BTBD16: variants seen among roughly 807,000 people sequenced by gnomAD.
The protein encoded by BTBD16 is BTB/POZ domain-containing protein 16.
A neutral mutation model predicts 67.4 loss-of-function variants in BTBD16; 66 were observed. That is an observed-to-expected ratio of 0.98 (90% confidence interval 0.80 to 1.20). The LOEUF (loss-of-function observed/expected upper bound fraction) is 1.20. Ranked by LOEUF, BTBD16 falls within the 50% of genes most tolerant of loss-of-function variation. The pLI, the probability that BTBD16 is intolerant of heterozygous loss-of-function variation, is 0.00. For synonymous variants in BTBD16, 242 were observed against 236.4 expected, an observed-to-expected ratio of 1.02 and a Z score of -0.22; for missense variants, 634 against 616.0, an observed-to-expected ratio of 1.03 and a Z score of -0.31.
At chr10:122,318,584 AT>A (rs553975740) in intron 10 of BTBD16, among the ~76,000 whole-genome samples, 169 of 151,762 alleles carry the variant, frequency 1.1e-3, no homozygotes, top group African/African-American at 3.9e-3. Context: ...TGGTTGGACT[AT>A]TTTTTTTGTT....
chr10:122,314,890 G>A (rs2096421098), intron 10 of BTBD16, among the ~76,000 whole-genome samples: 1 of 151,982 alleles, frequency 6.6e-6, no homozygotes, highest in Admixed American at 6.6e-5. Context: ...GTATCATGTT[G>A]AGTAGACATG....
In BTBD16 at chr10:122,276,873, T is replaced by C; in HGVS notation, c.101T>C (p.Leu34Pro). The C allele has an allele frequency of 4.3e-6, 7 of 1,614,230 alleles. No homozygotes were observed. Among genetic ancestry groups the C allele is most frequent in the Non-Finnish European group, 5.1e-6 (6 of 1,180,042 alleles). ...AAACAGCCTTTCTCTGGGGACCTGC[T>C]CTCACTTTCCCAGATGTGCAAGGCT... ...LPKQPFSGDL[L>P]SLSQMCKALS... The change falls in exon 3 of 16, where the codon CTC becomes CCC. Residue 34 changes from leucine to proline, a missense_variant. Transcript: ENST00000260723.
chr10:122,311,273 A>G (rs1326699448), intron 10 of BTBD16, among the ~76,000 whole-genome samples: 5 of 152,222 alleles, frequency 3.3e-5, no homozygotes, highest in African/African-American at 9.6e-5. Flanking sequence ...AAGAACATCA[A>G]TGTAAGAAGG....
intron 9 of BTBD16, among the ~76,000 whole-genome samples, chr10:122,306,857 G>A (rs561535679): frequency 1.3e-5 from 2 of 152,308 alleles, no homozygotes; most frequent in African/African-American, 2.4e-5. Flanking sequence ...GGATGGTTGT[G>A]TGGAATTAAA....
intron 8 of BTBD16, 68 bp from the exon 9 acceptor site, chr10:122,298,936 G>A (rs1391665828): frequency 2.4e-5 from 38 of 1,588,684 alleles, no homozygotes; most frequent in Non-Finnish European, 3.0e-5. Flanking sequence ...GTGTAGTGTC[G>A]TCTCAGGCCA....
intron 10 of BTBD16, among the ~76,000 whole-genome samples, chr10:122,317,976 T>C (rs1437056643): frequency 6.6e-6 from 1 of 152,222 alleles, no homozygotes; most frequent in East Asian, 1.9e-4. Flanking sequence ...TATTCATTAT[T>C]AAGTATTATG....
rs763254743 is a variant in BTBD16, at chr10:122,299,114, C to G, written c.771C>G (p.His257Gln). 1 of 1,613,912 alleles carries G rather than the reference C, an allele frequency of 6.2e-7. No individual in the cohort carries two copies. Among genetic ancestry groups the G allele is most frequent in the Admixed American group, 1.7e-5 (1 of 59,990 alleles). ...ACAAAATCCCACAGGACCTGCTCCA[C>G]AAAGTGCTGAAGTCCCCCAGGTCAG... ...HLHKIPQDLL[H>Q]KVLKSPRLFT... The change falls in exon 9 of 16, where the codon CAC becomes CAG. Residue 257 changes from histidine (H) to glutamine (Q), a missense_variant. His to Gln is a conservative substitution (Grantham distance 24, BLOSUM62 0). Transcript: ENST00000260723.
At chr10:122,284,051 T>C in intron 4 of BTBD16, 127 bp downstream of exon 4, 2 of 682,200 alleles carry the variant, frequency 2.9e-6, no homozygotes, top group East Asian at 2.7e-5. Flanking sequence ...TCTCATCCAC[T>C]TCCCAGCGTC....
chr10:122,338,067 C>T lies in BTBD16; in HGVS notation c.1503C>T (p.Phe501=), dbSNP rs375405353. The change falls in exon 16 of 16, where the codon TTC becomes TTT. Residue 501 remains phenylalanine, a synonymous_variant. Transcript: ENST00000260723. The part of the protein sequence containing the change: ...VGIPIYVSFA[F]IFPAS ...TCCCAATCTATGTAAGTTTTGCATTCATCTTCCCAGCATCTTGACAGTTTC... is the reference window on the plus strand; with the variant it reads ...TCCCAATCTATGTAAGTTTTGCATTTATCTTCCCAGCATCTTGACAGTTTC... 13 of 1,607,906 alleles carry T rather than the reference C, an allele frequency of 8.1e-6. No homozygotes were observed. Among genetic ancestry groups the T allele is most frequent in the African/African-American group, 1.3e-5 (1 of 74,752 alleles).
At chr10:122,294,998 G>T (rs769886884) in intron 7 of BTBD16, among the ~76,000 whole-genome samples, 1 of 152,242 alleles carries the variant, frequency 6.6e-6, no homozygotes, top group Admixed American at 6.5e-5. Context: ...CACAGCTTGG[G>T]CTTCACCCTC....
Position 122,275,042 on chromosome 10 carries a change from T to G in BTBD16, c.-40T>G. On this transcript the variant is annotated splice_region_variant and 5_prime_UTR_variant, in exon 2 of 16. Transcript: ENST00000260723. ...CCTTTACCTCTTTTGTCTTCTAGGT[T>G]GCTTGTCTTTTCTCTCCTGCGTAAT... 6.2e-7 allele frequency: 1 copy of G among 1,611,590 alleles called. No individual in the cohort carries two copies. Among genetic ancestry groups the G allele is most frequent in the Non-Finnish European group, 8.5e-7 (1 of 1,177,770 alleles).
In BTBD16 at chr10:122,336,583, G is replaced by A; in HGVS notation, c.1353G>A (p.Glu451=). The A allele has an allele frequency of 6.2e-7, 1 of 1,613,474 alleles. No homozygotes were observed. The change falls in exon 15 of 16, where the codon GAG becomes GAA. Residue 451 remains glutamate (E), a synonymous_variant. Coordinates refer to ENST00000260723, the MANE Select transcript of BTBD16 (RefSeq NM_144587.5). The part of the protein sequence containing the change: ...SLRAARLVKY[E]IRAEALVDGK... ...GAGCGGCACGCCTGGTGAAGTATGA[G>A]ATCAGAGCAGAGGCCCTGGTTGACG... is the stretch of plus-strand genomic sequence containing the variant.
intron 8 of BTBD16, 76 bp downstream of exon 8, chr10:122,297,913 C>A: frequency 1.5e-6 from 2 of 1,330,482 alleles, no homozygotes; most frequent in Non-Finnish European, 1.1e-6. Context: ...GGATTTTACC[C>A]ACCAGGCCTA....
chr10:122,295,824 G>A (rs1003558215), intron 7 of BTBD16, among the ~76,000 whole-genome samples: 2 of 152,114 alleles, frequency 1.3e-5, no homozygotes, highest in African/African-American at 4.8e-5. Flanking sequence ...CTGAAGGGCC[G>A]ATCCTAGCAC....
At chr10:122,325,632 T>C (rs2096443178) in intron 10 of BTBD16, among the ~76,000 whole-genome samples, 1 of 152,050 alleles carries the variant, frequency 6.6e-6, no homozygotes, top group African/African-American at 2.4e-5. Flanking sequence ...ACTTGAGTGT[T>C]AGGAGCCAAG....
chr10:122,283,790 T>C, intron 3 of BTBD16, 61 bp from the exon 4 acceptor site: 1 of 1,255,036 alleles, frequency 8.0e-7, no homozygotes, highest in Non-Finnish European at 1.2e-6. Context: ...TAATGCATGT[T>C]GTAGTTGGAG....
intron 3 of BTBD16, among the ~76,000 whole-genome samples, chr10:122,280,135 C>A (rs772506794): frequency 6.6e-6 from 1 of 152,142 alleles, no homozygotes; most frequent in Non-Finnish European, 1.5e-5. Context: ...AACTTCCTTG[C>A]GAGTACTCTA....
intron 10 of BTBD16, among the ~76,000 whole-genome samples, chr10:122,328,258 G>A (rs974645563): frequency 2.0e-5 from 3 of 152,168 alleles, no homozygotes; most frequent in Non-Finnish European, 4.4e-5. Flanking sequence ...ACTTACCCTC[G>A]GTAATGGAGG....
chr10:122,283,282 C>T (rs550636441), intron 3 of BTBD16, among the ~76,000 whole-genome samples: 148 of 152,282 alleles, frequency 9.7e-4, no homozygotes, highest in African/African-American at 3.4e-3. Context: ...TGGACAAATT[C>T]GAAAGATCTA....
Sources: gnomAD v4.1 joint callset for allele counts (sites outside exome capture counted in the v4.1 genomes callset) on GRCh38, gnomAD v4.1.1 for gene constraint, MANE v1.5 for transcripts, NCBI Gene and HGNC (gene_info 2026-07-23, HGNC 2026-07-21) for gene names.